The following TCF7L2 variants were observed in gnomAD, a reference collection of about 807,000 sequenced individuals.
TCF7L2 encodes transcription factor 7 like 2, also known as transcription factor 7-like 2.
In TCF7L2, 23 loss-of-function variants were observed where a neutral mutation model predicts 77.9. That is an observed-to-expected ratio of 0.30 (90% CI 0.21 to 0.42). TCF7L2 has a LOEUF of 0.42. TCF7L2 is among the 10% of genes least tolerant of loss of function. TCF7L2 has a pLI of 1.00. For missense variants in TCF7L2, 654 were observed against 793.1 expected, an observed-to-expected ratio of 0.82 and a Z score of 2.11; for synonymous variants, 413 against 340.2, an observed-to-expected ratio of 1.21 and a Z score of -2.36.
intron 4 of TCF7L2, among the ~76,000 whole-genome samples, chr10:112,986,734 T>C (rs565723273): frequency 1.3e-4 from 20 of 152,234 alleles, no homozygotes; most frequent in African/African-American, 4.1e-4. Flanking sequence ...CCTCCACACC[T>C]CCCTGGGAAG....
At chr10:113,161,549 T>G in intron 13 of TCF7L2, 1 of 1,535,984 alleles carries the variant, frequency 6.5e-7, no homozygotes, top group Non-Finnish European at 8.7e-7. Context: ...TTTGGTTAAA[T>G]GTGTTGTTTC....
At position 112,990,735 on chromosome 10, in the gene TCF7L2, A is replaced by T. The variant is rs146602027; in HGVS notation, c.450+26111A>T. On this transcript the variant is annotated intron_variant, in intron 4 of 13. Coordinates refer to ENST00000627217, the MANE Select transcript of TCF7L2 (RefSeq NM_001146274.2). ...ATAAATAAATAAATAAATAAAAAAT[A>T]AAAAAAATTAGCTAGCCAAGCTGCT... 5.9e-3 allele frequency among the ~76,000 whole-genome samples: 898 copies of T among 152,138 alleles called. 7 individuals carry two copies. Among genetic ancestry groups the T allele is most frequent in the Non-Finnish European group, 7.9e-3 (538 of 67,982 alleles).
chr10:113,049,540 C>G (rs890092164), intron 5 of TCF7L2, among the ~76,000 whole-genome samples: 1 of 152,122 alleles, frequency 6.6e-6, no homozygotes. Flanking sequence ...GCCATCATCT[C>G]TCACTTGGAT....
intron 4 of TCF7L2, among the ~76,000 whole-genome samples, chr10:113,034,288 C>A (rs757608487): frequency 3.9e-5 from 6 of 152,170 alleles, no homozygotes; most frequent in Non-Finnish European, 8.8e-5. Flanking sequence ...GGCTTCTGAT[C>A]GTCTTTCCTT....
At chr10:112,964,803 T>G (rs1589748457) in intron 4 of TCF7L2, among the ~76,000 whole-genome samples, 179 bp downstream of exon 4, 4 of 33,022 alleles carry the variant, frequency 1.2e-4, no homozygotes, top group African/African-American at 3.3e-4. Flanking sequence ...ATGGTGGTGG[T>G]GGTGGTGGTG....
chr10:113,127,976 C>G (rs1745385999), intron 5 of TCF7L2, among the ~76,000 whole-genome samples: 1 of 145,688 alleles, frequency 6.9e-6, no homozygotes, highest in South Asian at 2.2e-4. Context: ...GTTATTGTTG[C>G]TGAATGATTG....
intron 5 of TCF7L2, among the ~76,000 whole-genome samples, chr10:113,107,585 T>TA (rs1423732326): frequency 6.7e-6 from 1 of 149,346 alleles, no homozygotes; most frequent in Non-Finnish European, 1.5e-5. Context: ...CCACTAAAAA[T>TA]ACAAAAAATT....
At chr10:113,154,446 T>C (rs2071421587) in intron 11 of TCF7L2, among the ~76,000 whole-genome samples, 1 of 152,054 alleles carries the variant, frequency 6.6e-6, no homozygotes, top group Admixed American at 6.5e-5. Flanking sequence ...AATAGACATT[T>C]TGGGTCATAG....
intron 3 of TCF7L2, among the ~76,000 whole-genome samples, chr10:112,959,536 C>T (rs1393992251): frequency 6.6e-6 from 1 of 152,096 alleles, no homozygotes; most frequent in Admixed American, 6.5e-5. Flanking sequence ...GGCAGAATGC[C>T]AGGAAGTGAA....
chr10:113,149,824 A>G (rs1358225117), intron 8 of TCF7L2, among the ~76,000 whole-genome samples: 1 of 152,194 alleles, frequency 6.6e-6, no homozygotes, highest in African/African-American at 2.4e-5. Flanking sequence ...GCTCACTTGA[A>G]TCACCTTGCC....
intron 13 of TCF7L2, among the ~76,000 whole-genome samples, chr10:113,163,974 G>A (rs1389771515): frequency 2.0e-5 from 3 of 152,232 alleles, no homozygotes; most frequent in Admixed American, 1.3e-4. Context: ...TCTGACAGTG[G>A]TTGCCTTCAA....
At chr10:113,019,181 A>T (rs1408772223) in intron 4 of TCF7L2, among the ~76,000 whole-genome samples, 6 of 152,190 alleles carry the variant, frequency 3.9e-5, no homozygotes, top group Non-Finnish European at 8.8e-5. Flanking sequence ...TTGGCTTGAG[A>T]TGTCAAAGAA....
intron 4 of TCF7L2, among the ~76,000 whole-genome samples, chr10:112,994,227 C>T (rs945509487): frequency 2.6e-5 from 4 of 152,152 alleles, no homozygotes; most frequent in African/African-American, 9.7e-5. Flanking sequence ...ACCTCCCTTA[C>T]CCATTAGCAG....
intron 5 of TCF7L2, among the ~76,000 whole-genome samples, chr10:113,079,131 G>A (rs962931436): frequency 6.6e-6 from 1 of 152,198 alleles, no homozygotes; most frequent in Admixed American, 6.5e-5. Context: ...AGTGCGCTGG[G>A]CCAGCCACAG....
At chr10:113,022,667 A>G (rs1441011319) in intron 4 of TCF7L2, among the ~76,000 whole-genome samples, 1 of 152,204 alleles carries the variant, frequency 6.6e-6, no homozygotes, top group Non-Finnish European at 1.5e-5. Context: ...GATACTGATT[A>G]TATTAATAAC....
At chr10:113,113,996 A>C (rs1232911130) in intron 5 of TCF7L2, among the ~76,000 whole-genome samples, 2 of 152,206 alleles carry the variant, frequency 1.3e-5, no homozygotes, top group Non-Finnish European at 2.9e-5. Context: ...GTCAAATCAT[A>C]GTCTCATGAT....
At chr10:113,036,121 TCATC>T (rs1564810786) in intron 4 of TCF7L2, among the ~76,000 whole-genome samples, 5 of 35,678 alleles carry the variant, frequency 1.4e-4, no homozygotes, top group Admixed American at 6.2e-4. Flanking sequence ...ATCACCATCA[TCATC>T]ATCATCATCA....
chr10:112,963,514 G>A (rs1465418543), intron 3 of TCF7L2, among the ~76,000 whole-genome samples: 1 of 152,136 alleles, frequency 6.6e-6, no homozygotes, highest in Non-Finnish European at 1.5e-5. Context: ...TGCAAGGAGG[G>A]GAAATGGACA....
intron 4 of TCF7L2, among the ~76,000 whole-genome samples, chr10:113,016,350 A>C (rs2047341525): frequency 6.6e-6 from 1 of 152,182 alleles, no homozygotes. Context: ...TACAGGCATG[A>C]GCCTGGCTGG....
Sources: gnomAD v4.1 joint callset for allele counts (sites outside exome capture counted in the v4.1 genomes callset) on GRCh38, gnomAD v4.1.1 for gene constraint, MANE v1.5 for transcripts, NCBI Gene and HGNC (gene_info 2026-07-23, HGNC 2026-07-21) for gene names.